Variants in SAMD8 observed in about 807,000 individuals in gnomAD.
The protein encoded by SAMD8 is sphingomyelin synthase-related protein 1.
A neutral mutation model predicts 42.0 loss-of-function variants in SAMD8; 20 were observed. The ratio of observed to expected loss-of-function variants is 0.48; its 90% CI spans 0.34 to 0.69. SAMD8 has a LOEUF of 0.69. Ranked by LOEUF, SAMD8 falls within the 30% of genes least tolerant of loss-of-function variation. The probability of loss-of-function intolerance (pLI) is 0.01; values close to 1 mark genes in which losing one functional copy is unlikely to be tolerated. For missense variants in SAMD8, 328 were observed against 511.6 expected (o/e 0.64, Z 3.46); for synonymous variants, 162 against 173.0 (o/e 0.94, Z 0.50).
chr10:75,147,887 T>C (rs1840180665), intron 1 of SAMD8, among the ~76,000 whole-genome samples: 2 of 152,154 alleles, frequency 1.3e-5, no homozygotes, highest in Admixed American at 6.5e-5. Context: ...ATAAGTTCCA[T>C]GTGTTAAAGT....
intron 3 of SAMD8, among the ~76,000 whole-genome samples, chr10:75,165,670 CAAAA>C (rs1307825539): frequency 1.5e-5 from 1 of 65,514 alleles, no homozygotes; most frequent in East Asian, 4.5e-4. Context: ...GACTCTGTCT[CAAAA>C]AAAAAAAAAA....
At chr10:75,102,914 T>G (rs1472443933) in intron 1 of SAMD8, among the ~76,000 whole-genome samples, 1 of 152,156 alleles carries the variant, frequency 6.6e-6, no homozygotes, top group Non-Finnish European at 1.5e-5. Context: ...ATCACGCCAT[T>G]GCACTCCAGC....
At chr10:75,174,230 C>T (rs1319008848) in intron 4 of SAMD8, among the ~76,000 whole-genome samples, 4 of 152,006 alleles carry the variant, frequency 2.6e-5, no homozygotes, top group Admixed American at 6.6e-5. Flanking sequence ...ACCGGGTTCA[C>T]GCCATTCTTC....
At chr10:75,145,921 T>C (rs1840119866) in intron 1 of SAMD8, among the ~76,000 whole-genome samples, 1 of 152,232 alleles carries the variant, frequency 6.6e-6, no homozygotes, top group Non-Finnish European at 1.5e-5. Context: ...CTTGGCCTCA[T>C]GTGAGTGCTG....
At chr10:75,113,025 T>G (rs1848808340) in intron 1 of SAMD8, among the ~76,000 whole-genome samples, 1 of 152,196 alleles carries the variant, frequency 6.6e-6, no homozygotes, top group Non-Finnish European at 1.5e-5. Context: ...AAACCAATAT[T>G]GAAATACTAT....
intron 1 of SAMD8, 122 bp downstream of exon 1, chr10:75,111,844 G>T (rs1848777089): frequency 8.7e-7 from 1 of 1,155,092 alleles, no homozygotes; most frequent in East Asian, 3.2e-5. Flanking sequence ...GGGCCCCGGG[G>T]AGACGGTTGA....
intron 2 of SAMD8, among the ~76,000 whole-genome samples, chr10:75,151,492 T>C (rs1447537342): frequency 2.0e-5 from 3 of 151,814 alleles, no homozygotes; most frequent in African/African-American, 7.3e-5. Flanking sequence ...AAACTGGGAC[T>C]GTAGACATGT....
At position 75,136,077 on chromosome 10, in the gene SAMD8, G is replaced by GT. The variant is rs953896295; in HGVS notation, c.-15-14428dup. On this transcript the variant is annotated intron_variant, in intron 1 of 5. Transcript: ENST00000542569. The stretch of plus-strand genomic sequence containing the variant: ...GCTACTTTTCTTTTCTTTTCTTTTG[G>GT]TTTTTTTTTGGCTAGATACACTCTC... Among the ~76,000 whole-genome samples the GT allele has an allele frequency of 4.3e-4, 64 of 149,446 alleles. 1 individual carries two copies. The highest frequency in any genetic ancestry group is 4.4e-4 in the African/African-American group (18 of 40,714).
intron 1 of SAMD8, among the ~76,000 whole-genome samples, chr10:75,102,422 G>A (rs1019961926): frequency 4.6e-5 from 7 of 151,732 alleles, no homozygotes; most frequent in South Asian, 2.1e-4. Context: ...CAGCCTGGGC[G>A]ACAGGGCGAG....
At position 75,150,934 on chromosome 10, in the gene SAMD8, G is replaced by T. The variant is rs931844320; in HGVS notation, c.406G>T (p.Gly136Cys). The T allele has an allele frequency of 1.2e-6, 2 of 1,612,562 alleles. No individual in the cohort carries two copies. Among genetic ancestry groups the T allele is most frequent in the Non-Finnish European group, 1.7e-6 (2 of 1,179,382 alleles). ...TTCTGATCAGTACCAGTACATGAAT[G>T]GTAAAAACAAACATTCTGTTCGAAG... The part of the protein sequence containing the change: ...LNSDQYQYMN[G>C]KNKHSVRRLD... The change falls in exon 2 of 6, where the codon GGT becomes TGT. Residue 136 changes from glycine (G) to cysteine (C), a missense_variant. Coordinates refer to ENST00000542569, the MANE Select transcript of SAMD8 (RefSeq NM_001174156.2).
intron 1 of SAMD8, among the ~76,000 whole-genome samples, chr10:75,135,204 G>A (rs1275923968): frequency 2.0e-5 from 3 of 151,828 alleles, no homozygotes; most frequent in African/African-American, 7.3e-5. Context: ...TGTAATCCCA[G>A]CACTTTGGGA....
In SAMD8 at chr10:75,181,338, C is replaced by T. The variant is rs906878281; in HGVS notation, c.*4646C>T. 2.0e-5 allele frequency: 3 copies of T among 152,164 alleles called. No individual in the cohort carries two copies. Among genetic ancestry groups the T allele is most frequent in the African/African-American group, 7.2e-5 (3 of 41,436 alleles). 9.4% of individuals were successfully genotyped at this position (152,164 alleles called of 1,614,324 possible). A position where few individuals can be genotyped will look rare whatever the true frequency, so the allele number is the denominator to read the frequency against. ...GGTGACTAATAAGAATGGAAAGAGA[C>T]TGAGTAGGTTTTTTGTTTCTTTTCC... On this transcript the variant is annotated 3_prime_UTR_variant, in exon 6 of 6. Coordinates refer to ENST00000542569, the MANE Select transcript of SAMD8 (RefSeq NM_001174156.2).
At chr10:75,152,983 G>GTTTTGT (rs1175193067) in intron 2 of SAMD8, among the ~76,000 whole-genome samples, 3 of 151,884 alleles carry the variant, frequency 2.0e-5, no homozygotes, top group African/African-American at 7.3e-5. Flanking sequence ...TTAGTTTTTG[G>GTTTTGT]TTTTGTTTTT....
chr10:75,154,112 AG>A (rs1344842569), intron 2 of SAMD8, among the ~76,000 whole-genome samples: 3 of 152,186 alleles, frequency 2.0e-5, no homozygotes, highest in Admixed American at 2.0e-4. Context: ...GTAAGCCCAC[AG>A]GATGGAGTGG....
At chr10:75,110,114 G>A (rs1341097468), upstream of SAMD8, among the ~76,000 whole-genome samples, 1 of 152,218 alleles carries the variant, frequency 6.6e-6, no homozygotes, top group Non-Finnish European at 1.5e-5. Flanking sequence ...GCCGTGCCGG[G>A]CCAATGGGGC....
intron 3 of SAMD8, among the ~76,000 whole-genome samples, chr10:75,165,993 A>AG (rs1435200273): frequency 2.0e-5 from 3 of 151,692 alleles, no homozygotes; most frequent in Non-Finnish European, 4.4e-5. Flanking sequence ...AAAAAAAAAA[A>AG]AAAAAGAAAG....
chr10:75,109,817 T>TG (rs60683917), upstream of SAMD8, among the ~76,000 whole-genome samples: 1,472 of 144,784 alleles, frequency 0.01, 32 homozygotes, highest in African/African-American at 0.033. Flanking sequence ...GAAGGTGTTT[T>TG]TTTTTGTTTT....
intron 3 of SAMD8, 44 bp from the exon 4 acceptor site, chr10:75,168,497 T>G: frequency 1.9e-6 from 3 of 1,595,176 alleles, no homozygotes; most frequent in Non-Finnish European, 2.6e-6. Context: ...TTTTTTGGTT[T>G]GTTTTCTTCT....
intron 1 of SAMD8, among the ~76,000 whole-genome samples, chr10:75,145,629 C>T (rs935860266): frequency 6.6e-6 from 1 of 152,166 alleles, no homozygotes; most frequent in Non-Finnish European, 1.5e-5. Context: ...TTCTCAATAG[C>T]AGCACCATGG....
Sources: allele counts gnomAD v4.1 joint callset (sites outside exome capture counted in the v4.1 genomes callset), GRCh38; gene constraint gnomAD v4.1.1; transcripts MANE v1.5; gene names NCBI Gene and HGNC (gene_info 2026-07-23, HGNC 2026-07-21).